KCNAB1: variants seen among roughly 807,000 people sequenced by gnomAD.
KCNAB1 encodes the protein voltage-gated potassium channel subunit beta-1.
KCNAB1 carries 35 observed loss-of-function variants against 64.6 expected under a neutral mutation model. The observed-to-expected ratio is 0.54, with a 90% confidence interval of 0.41 to 0.72. The LOEUF (loss-of-function observed/expected upper bound fraction) is 0.72, where lower values mean the gene tolerates loss of function less well. KCNAB1 is among the 30% of genes least tolerant of loss of function. The pLI, the probability that KCNAB1 is intolerant of heterozygous loss-of-function variation, is 0.00. For synonymous variants in KCNAB1, 177 were observed against 183.8 expected, an observed-to-expected ratio of 0.96 and a Z score of 0.30; for missense variants, 401 against 512.9, an observed-to-expected ratio of 0.78 and a Z score of 2.11.
intron 1 of KCNAB1, among the ~76,000 whole-genome samples, chr3:156,296,913 T>A (rs1427070106): frequency 6.6e-6 from 1 of 152,208 alleles, no homozygotes; most frequent in East Asian, 1.9e-4. Flanking sequence ...CATGCCTGCT[T>A]AACTATATAG....
At chr3:156,406,483 G>A (rs1357627045) in intron 1 of KCNAB1, among the ~76,000 whole-genome samples, 2 of 152,088 alleles carry the variant, frequency 1.3e-5, no homozygotes, top group Non-Finnish European at 2.9e-5. Flanking sequence ...GCTCTTCCTG[G>A]GGAAGCCCCC....
chr3:156,441,388 T>G (rs562109725), intron 2 of KCNAB1: 3 of 152,278 alleles, frequency 2.0e-5, no homozygotes, highest in East Asian at 3.9e-4. Flanking sequence ...TCAAACTTCT[T>G]GACGGTAGCA....
intron 1 of KCNAB1, among the ~76,000 whole-genome samples, chr3:156,197,863 T>A (rs1714058482): frequency 1.3e-5 from 2 of 152,216 alleles, no homozygotes; most frequent in African/African-American, 4.8e-5. Flanking sequence ...CTTTTCTAGT[T>A]CTTTTAATTG....
At chr3:156,448,691 A>G (rs1018004843) in intron 2 of KCNAB1, among the ~76,000 whole-genome samples, 1 of 152,198 alleles carries the variant, frequency 6.6e-6, no homozygotes, top group African/African-American at 2.4e-5. Flanking sequence ...GACTAGAAGA[A>G]CTAAAGATTA....
intron 1 of KCNAB1, among the ~76,000 whole-genome samples, chr3:156,339,406 T>C (rs1350384100): frequency 6.6e-6 from 1 of 152,194 alleles, no homozygotes; most frequent in Non-Finnish European, 1.5e-5. Flanking sequence ...TCTGTGTTTA[T>C]TTCTGATCTT....
At chr3:156,122,436 T>A (rs1400929411) in intron 1 of KCNAB1, among the ~76,000 whole-genome samples, 1 of 152,222 alleles carries the variant, frequency 6.6e-6, no homozygotes, top group Non-Finnish European at 1.5e-5. Context: ...TATCTGACAT[T>A]GGAACAACAT....
At position 156,162,717 on chromosome 3, in the gene KCNAB1, A is replaced by G. The variant is rs532185489; in HGVS notation, c.275+41831A>G. On this transcript the variant is annotated intron_variant, in intron 1 of 13. Transcript: ENST00000490337. ...CTTCAGTAACTCTTACCTTTGGTTT[A>G]AAAGAAAACAAAACACCAAAGAGCT... is the stretch of plus-strand genomic sequence containing the variant. 1.2e-4 allele frequency among the ~76,000 whole-genome samples: 18 copies of G among 151,956 alleles called. 1 individual carries two copies. The highest frequency in any genetic ancestry group is 4.1e-4 in the African/African-American group (17 of 41,438).
chr3:156,206,969 C>T (rs759849607), intron 1 of KCNAB1, among the ~76,000 whole-genome samples: 6 of 152,208 alleles, frequency 3.9e-5, no homozygotes, highest in Non-Finnish European at 5.9e-5. Context: ...CAGGACGTGA[C>T]ATTGTCTGTC....
chr3:156,280,155 G>A (rs1719610000), intron 1 of KCNAB1, among the ~76,000 whole-genome samples: 2 of 149,906 alleles, frequency 1.3e-5, no homozygotes, highest in African/African-American at 4.9e-5. Context: ...TAAGGTGTAA[G>A]GAAGGGATCC....
At chr3:156,418,509 C>T (rs942209179) in intron 1 of KCNAB1, among the ~76,000 whole-genome samples, 1 of 152,184 alleles carries the variant, frequency 6.6e-6, no homozygotes, top group South Asian at 2.1e-4. Context: ...ATAGCTACAT[C>T]TTCACTTAGT....
chr3:156,148,847 T>C (rs1715213667), intron 1 of KCNAB1, among the ~76,000 whole-genome samples: 1 of 112,002 alleles, frequency 8.9e-6, no homozygotes, highest in South Asian at 2.6e-4. Context: ...CACTTGCTTT[T>C]TCATTTTCTT....
intron 1 of KCNAB1, among the ~76,000 whole-genome samples, chr3:156,398,680 T>C (rs1713666061): frequency 6.6e-6 from 1 of 151,736 alleles, no homozygotes; most frequent in Non-Finnish European, 1.5e-5. Flanking sequence ...TATACCTATG[T>C]AACAAACCTA....
chr3:156,395,544 CAAAAAAAAAAAAAAAAAAAAAAAAAA>C (rs61017269), intron 1 of KCNAB1, among the ~76,000 whole-genome samples: 30 of 25,464 alleles, frequency 1.2e-3, no homozygotes, highest in Middle Eastern at 0.038. Flanking sequence ...GACTCCGTCT[CAAAAAAAAAAAAAAAAAAAAAAAAAA>C]AAAAAAAAAA....
In KCNAB1 at chr3:156,516,359, C is replaced by G; in HGVS notation, c.955C>G (p.Leu319Val). Reference protein sequence around the residue: ...NGVPESSRASLKCYQWLKERI... With the variant: ...NGVPESSRASVKCYQWLKERI... ...GGTGCCTGAAAGTTCCAGGGCTTCA[C>G]TGAAGGTATTTTTCTCAATGTCTAG... is the stretch of plus-strand genomic sequence containing the variant. Residue 319 changes from leucine to valine, a missense_variant, in exon 11 of 14, where the codon CTG (leucine) becomes GTG (valine). Leu to Val is a conservative substitution (Grantham distance 32). Transcript: ENST00000490337. The G allele has an allele frequency of 6.2e-7, 1 of 1,609,018 alleles. No homozygotes were observed. The highest frequency in any genetic ancestry group is 8.5e-7 in the Non-Finnish European group (1 of 1,175,316).
At chr3:156,311,467 G>T (rs933368482) in intron 1 of KCNAB1, among the ~76,000 whole-genome samples, 2 of 152,160 alleles carry the variant, frequency 1.3e-5, no homozygotes, top group Non-Finnish European at 2.9e-5. Context: ...ACCACTGAAG[G>T]ATAGGTCGTG....
intron 1 of KCNAB1, among the ~76,000 whole-genome samples, chr3:156,154,339 A>G (rs763820422): frequency 1.3e-5 from 2 of 152,008 alleles, no homozygotes; most frequent in Non-Finnish European, 2.9e-5. Flanking sequence ...TTGTCCCTCA[A>G]TCCCACTGGC....
At chr3:156,409,195 C>T (rs548066105) in intron 1 of KCNAB1, among the ~76,000 whole-genome samples, 2 of 152,330 alleles carry the variant, frequency 1.3e-5, no homozygotes, top group Non-Finnish European at 2.9e-5. Context: ...CAATATTGGG[C>T]TCTAGCCTAT....
At chr3:156,287,046 C>T (rs1720135495) in intron 1 of KCNAB1, among the ~76,000 whole-genome samples, 1 of 152,134 alleles carries the variant, frequency 6.6e-6, no homozygotes, top group Non-Finnish European at 1.5e-5. Context: ...TGCTAAATGG[C>T]ACACGGGAAG....
Position 156,537,071 on chromosome 3 carries a change from A to G in KCNAB1, c.*324A>G, listed in dbSNP as rs1576990864. 7 of 420,658 alleles carry G rather than the reference A, an allele frequency of 1.7e-5. No homozygotes were observed. The highest frequency in any genetic ancestry group is 3.4e-5 in the East Asian group (1 of 29,130). The allele number at this position is 420,658 out of a possible 1,614,324, so 26.1% of individuals were successfully genotyped here. ...CCTTCAGGCATTTGGTAACTCAAAG[A>G]AGGCTGTACAGATATATTTTTTCAA... On this transcript the variant is annotated 3_prime_UTR_variant, in exon 14 of 14. Transcript: ENST00000490337.
Sources: allele counts gnomAD v4.1 joint callset (sites outside exome capture counted in the v4.1 genomes callset), GRCh38; gene constraint gnomAD v4.1.1; transcripts MANE v1.5; gene names NCBI Gene and HGNC (gene_info 2026-07-23, HGNC 2026-07-21).